NFIC: variants seen among roughly 807,000 people sequenced by gnomAD.
NFIC encodes nuclear factor I C, also known as nuclear factor 1 C-type.
NFIC carries 12 observed loss-of-function variants against 54.4 expected under a neutral mutation model. The ratio of observed to expected loss-of-function variants is 0.22; its 90% CI spans 0.14 to 0.36. The LOEUF is 0.36. NFIC is among the 10% of genes least tolerant of loss of function. The pLI is 1.00. For missense variants in NFIC, 575 were observed against 718.2 expected (o/e 0.80, Z 2.28); for synonymous variants, 322 against 319.2 (o/e 1.01, Z -0.09).
chr19:3,456,756 G>A (rs1373563007), intron 10 of NFIC, 121 bp downstream of exon 10: 3 of 980,386 alleles, frequency 3.1e-6, no homozygotes, highest in African/African-American at 3.3e-5. Context: ...AGGGGCGCCA[G>A]CCTCCCACAC....
chr19:3,383,397 C>A (rs2081244236), intron 2 of NFIC, among the ~76,000 whole-genome samples: 1 of 152,150 alleles, frequency 6.6e-6, no homozygotes, highest in Non-Finnish European at 1.5e-5. Flanking sequence ...CCCAGGGGTC[C>A]TGGCAGGAGC....
At chr19:3,434,202 T>C in intron 4 of NFIC, 75 bp from the exon 5 acceptor site, 1 of 1,525,892 alleles carries the variant, frequency 6.6e-7, no homozygotes, top group Non-Finnish European at 8.8e-7. Flanking sequence ...CCCAGTGGCT[T>C]TCCCTACCTC....
intron 1 of NFIC, among the ~76,000 whole-genome samples, chr19:3,371,798 G>C (rs2081015191): frequency 6.6e-6 from 1 of 152,052 alleles, no homozygotes; most frequent in Non-Finnish European, 1.5e-5. Context: ...AAGGACAGTG[G>C]TGACCTGGAA....
At chr19:3,389,279 G>T (rs2081344186) in intron 2 of NFIC, among the ~76,000 whole-genome samples, 3 of 152,158 alleles carry the variant, frequency 2.0e-5, no homozygotes, top group Non-Finnish European at 4.4e-5. Flanking sequence ...AGGGACCTGG[G>T]TCAGCCACAG....
chr19:3,427,800 A>G (rs1317419644), intron 3 of NFIC, among the ~76,000 whole-genome samples: 1 of 136,832 alleles, frequency 7.3e-6, no homozygotes, highest in Non-Finnish European at 1.5e-5. Flanking sequence ...TGGGCGACAC[A>G]GCGAGACTCT....
intron 2 of NFIC, among the ~76,000 whole-genome samples, chr19:3,407,730 G>A (rs993150712): frequency 1.4e-4 from 22 of 152,174 alleles, no homozygotes; most frequent in Admixed American, 5.2e-4. Context: ...CACCGCGCCC[G>A]GGTGAACTTT....
intron 2 of NFIC, among the ~76,000 whole-genome samples, chr19:3,391,634 T>A (rs201792766): frequency 6.6e-6 from 1 of 151,770 alleles, no homozygotes; most frequent in Non-Finnish European, 1.5e-5. Context: ...CCGTCTCTAC[T>A]AAAAATACAA....
At chr19:3,384,863 A>G (rs1388192489) in intron 2 of NFIC, among the ~76,000 whole-genome samples, 4 of 151,866 alleles carry the variant, frequency 2.6e-5, no homozygotes, top group Non-Finnish European at 2.9e-5. Flanking sequence ...CACCGTGGGG[A>G]CGGAGGTTCT....
At chr19:3,361,980 GAC>G (rs2080817727), upstream of NFIC, among the ~76,000 whole-genome samples, 1 of 152,154 alleles carries the variant, frequency 6.6e-6, no homozygotes, top group African/African-American at 2.4e-5. Context: ...GGCGTGCACA[GAC>G]ACACATGGGC....
chr19:3,418,325 G>T (rs1044681679), intron 2 of NFIC, among the ~76,000 whole-genome samples: 7 of 151,978 alleles, frequency 4.6e-5, no homozygotes, highest in Non-Finnish European at 8.8e-5. Context: ...TGGAACTCCT[G>T]GGCTCAAGTG....
intron 2 of NFIC, among the ~76,000 whole-genome samples, chr19:3,398,401 A>C (rs2081499218): frequency 6.6e-6 from 1 of 152,050 alleles, no homozygotes; most frequent in Admixed American, 6.6e-5. Context: ...GGCAAAGGCC[A>C]CCCAGCCTGG....
At chr19:3,426,751 C>T (rs1481182663) in intron 3 of NFIC, among the ~76,000 whole-genome samples, 2 of 152,142 alleles carry the variant, frequency 1.3e-5, no homozygotes, top group African/African-American at 2.4e-5. Flanking sequence ...CTCCAGTGCA[C>T]CAGACCCAGT....
At chr19:3,384,747 AC>A (rs1054120636) in intron 2 of NFIC, among the ~76,000 whole-genome samples, 1 of 139,988 alleles carries the variant, frequency 7.1e-6, no homozygotes, top group African/African-American at 2.7e-5. Flanking sequence ...CTCCTCCCCC[AC>A]CCCCACTGAT....
chr19:3,455,010 G>A (rs1317102851), intron 9 of NFIC, among the ~76,000 whole-genome samples: 3 of 152,188 alleles, frequency 2.0e-5, no homozygotes, highest in Non-Finnish European at 2.9e-5. Context: ...CCCTCTCTGA[G>A]CCTCAGTTTT....
chr19:3,399,387 G>A (rs1436880299), intron 2 of NFIC, among the ~76,000 whole-genome samples: 2 of 151,996 alleles, frequency 1.3e-5, no homozygotes, highest in African/African-American at 4.8e-5. Context: ...GACCAGCCTG[G>A]GCAACATAGT....
At chr19:3,435,503 G>T (rs113319269) in intron 6 of NFIC, among the ~76,000 whole-genome samples, 3,443 of 152,316 alleles carry the variant, frequency 0.023, 126 homozygotes, top group African/African-American at 0.077. Context: ...CCGAGCTGCA[G>T]GATGGACTCA....
chr19:3,454,608 C>A (rs2082523352), intron 9 of NFIC, among the ~76,000 whole-genome samples: 1 of 151,974 alleles, frequency 6.6e-6, no homozygotes, highest in Non-Finnish European at 1.5e-5. Flanking sequence ...GTGGCTCTAC[C>A]CCCAGACTCT....
At chr19:3,451,179 C>T (rs886751165) in intron 7 of NFIC, among the ~76,000 whole-genome samples, 10 of 152,178 alleles carry the variant, frequency 6.6e-5, no homozygotes, top group African/African-American at 4.8e-5. Flanking sequence ...ACGTCATGCT[C>T]AGTAAGAGAA....
chr19:3,404,042 C>T (rs1054711379), intron 2 of NFIC, among the ~76,000 whole-genome samples: 2 of 151,034 alleles, frequency 1.3e-5, no homozygotes, highest in African/African-American at 4.9e-5. Flanking sequence ...CCTTTCCCCC[C>T]ATCCCTTCCC....
Sources: allele counts gnomAD v4.1 joint callset (sites outside exome capture counted in the v4.1 genomes callset), GRCh38; gene constraint gnomAD v4.1.1; transcripts MANE v1.5; gene names NCBI Gene and HGNC (gene_info 2026-07-23, HGNC 2026-07-21).